SLC7A8: variants seen among roughly 807,000 people sequenced by gnomAD.
SLC7A8 encodes solute carrier family 7 member 8, also known as large neutral amino acids transporter small subunit 2.
SLC7A8 carries 30 observed loss-of-function variants against 51.2 expected under a neutral mutation model. The ratio of observed to expected loss-of-function variants is 0.59; its 90% CI spans 0.44 to 0.80. The LOEUF is 0.80. Among genes scored for constraint, SLC7A8 ranks in the 30% least tolerant of loss-of-function variants. The pLI, the probability that SLC7A8 is intolerant of heterozygous loss-of-function variation, is 0.00. For synonymous variants in SLC7A8, 257 were observed against 275.8 expected, an observed-to-expected ratio of 0.93 and a Z score of 0.67; for missense variants, 612 against 674.4, an observed-to-expected ratio of 0.91 and a Z score of 1.03.
intron 3 of SLC7A8, among the ~76,000 whole-genome samples, chr14:23,160,445 C>A (rs2048915250): frequency 6.6e-6 from 1 of 151,934 alleles, no homozygotes; most frequent in African/African-American, 2.4e-5. Context: ...GTGGCGGGCG[C>A]CTATAGTCCC....
chr14:23,138,229 G>C (rs1042503771), intron 6 of SLC7A8: 61 of 572,984 alleles, frequency 1.1e-4, no homozygotes, highest in Middle Eastern at 3.9e-4. Flanking sequence ...AACTGAAGGA[G>C]GTAGTACACA....
chr14:23,176,985 A>G (rs185540664), intron 1 of SLC7A8, among the ~76,000 whole-genome samples: 65 of 152,134 alleles, frequency 4.3e-4, no homozygotes, highest in Non-Finnish European at 7.9e-4. Context: ...TAAGAGCTCA[A>G]TAAATACTAT....
chr14:23,170,522 G>A (rs188315704), intron 1 of SLC7A8, among the ~76,000 whole-genome samples: 6 of 152,078 alleles, frequency 3.9e-5, no homozygotes, highest in African/African-American at 7.2e-5. Context: ...GCAGTGGTGC[G>A]ATCTCAGCTC....
At chr14:23,162,069 T>C (rs1594836748) in intron 3 of SLC7A8, among the ~76,000 whole-genome samples, 2 of 148,926 alleles carry the variant, frequency 1.3e-5, no homozygotes, top group South Asian at 4.3e-4. Flanking sequence ...TTGAGGGGCC[T>C]ATAGAAGTGG....
chr14:23,165,485 G>GC lies in SLC7A8; in HGVS notation c.357-50dup, dbSNP rs775786166. On this transcript the variant is annotated intron_variant, in intron 2 of 10. Coordinates refer to ENST00000316902, the MANE Select transcript of SLC7A8 (RefSeq NM_012244.4). This position sits in a 1 kb window ranked among gnomAD's most constrained non-coding sequence, Gnocchi z 4.2. The stretch of plus-strand genomic sequence containing the variant: ...CCGAAAGGCATGGCAGGGACGCAGA[G>GC]CCATCAGGGGAGAGCCCGGGCAAGT... 29 of 1,539,032 alleles carry GC rather than the reference G, an allele frequency of 1.9e-5. No homozygotes were observed. Among genetic ancestry groups the GC allele is most frequent in the Non-Finnish European group, 2.5e-5 (29 of 1,152,264 alleles).
intron 10 of SLC7A8, 84 bp downstream of exon 10, chr14:23,127,935 C>T (rs2048593308): frequency 2.4e-6 from 3 of 1,244,836 alleles, no homozygotes; most frequent in Non-Finnish European, 2.3e-6. Context: ...ATCTCCTGGC[C>T]CTGGTGGCTC....
In SLC7A8 at chr14:23,131,545, A is replaced by G; in HGVS notation, c.1029T>C (p.Ala343=). Residue 343 remains alanine, a synonymous_variant, in exon 8 of 11, where the codon GCT becomes GCC. Coordinates refer to ENST00000316902, the MANE Select transcript of SLC7A8 (RefSeq NM_012244.4). ...SLFTSSRLFF[A]GAREGHLPSV... ...TGGGAAGGTGGCCCTCTCGGGCTCC[A>G]GCGAAGAACAGCCTGTCAGGGAGAA... is the stretch of plus-strand genomic sequence containing the variant. 4 of 1,603,896 alleles carry G rather than the reference A, an allele frequency of 2.5e-6. No individual in the cohort carries two copies. The highest frequency in any genetic ancestry group is 3.4e-6 in the Non-Finnish European group (4 of 1,175,584).
rs138421066 is a variant in SLC7A8 at position 23,150,193 on chromosome 14, G to A, written c.509-6989C>T. 4.3e-3 allele frequency among the ~76,000 whole-genome samples: 662 copies of A among 152,314 alleles called. 1 individual carries two copies. The highest frequency in any genetic ancestry group is 7.0e-3 in the Non-Finnish European group (473 of 68,014). On this transcript the variant is annotated intron_variant, in intron 3 of 10. Coordinates refer to ENST00000316902, the MANE Select transcript of SLC7A8 (RefSeq NM_012244.4). ...CTTCATTTAGAAGGTTTTAAGGATG[G>A]GTTGGGGAGTCGTGGAGCTGGTTTT... is the stretch of plus-strand genomic sequence containing the variant.
At chr14:23,161,104 TTCCCTC>T (rs897403713) in intron 3 of SLC7A8, among the ~76,000 whole-genome samples, 1 of 152,036 alleles carries the variant, frequency 6.6e-6, no homozygotes, top group East Asian at 1.9e-4. Flanking sequence ...CTGCAGTTCC[TTCCCTC>T]TCCCTCTCCT....
chr14:23,134,467 A>G (rs12050365), intron 7 of SLC7A8, among the ~76,000 whole-genome samples: 56,095 of 140,882 alleles, frequency 0.4, 11,895 homozygotes, highest in East Asian at 0.56. Context: ...AAAAGAAAAG[A>G]TAAGGAAAAG....
chr14:23,180,298 T>A (rs1877118038), intron 1 of SLC7A8, among the ~76,000 whole-genome samples: 1 of 152,186 alleles, frequency 6.6e-6, no homozygotes, highest in Admixed American at 6.5e-5. Context: ...TTTCTATTTT[T>A]GCATTTGGTC....
At chr14:23,134,016 CTG>C (rs1012477709) in intron 7 of SLC7A8, among the ~76,000 whole-genome samples, 1 of 151,984 alleles carries the variant, frequency 6.6e-6, no homozygotes, top group African/African-American at 2.4e-5. Flanking sequence ...TGATGGCTCA[CTG>C]TAGCCTTGAC....
chr14:23,155,275 A>AAGCTGTGAG (rs2048884280), intron 3 of SLC7A8: 1 of 1,535,954 alleles, frequency 6.5e-7, no homozygotes, highest in Admixed American at 2.0e-5. Flanking sequence ...GGGTGCAGAG[A>AAGCTGTGAG]AGCTGTGAGG....
At chr14:23,157,526 G>A (rs1566368938) in intron 3 of SLC7A8, among the ~76,000 whole-genome samples, 1 of 152,150 alleles carries the variant, frequency 6.6e-6, no homozygotes, top group Non-Finnish European at 1.5e-5. Flanking sequence ...TGGCCCATGA[G>A]GCTTTTCATG....
chr14:23,173,648 A>AC (rs1197619371), intron 1 of SLC7A8, among the ~76,000 whole-genome samples: 1 of 151,724 alleles, frequency 6.6e-6, no homozygotes, highest in Non-Finnish European at 1.5e-5. Flanking sequence ...TATTTTTTAA[A>AC]TTTTTACTTT....
intron 3 of SLC7A8, among the ~76,000 whole-genome samples, chr14:23,149,663 C>G (rs1237173008): frequency 6.6e-6 from 1 of 152,168 alleles, no homozygotes; most frequent in African/African-American, 2.4e-5. Flanking sequence ...GTAGACAACA[C>G]CAAAAACACC....
intron 1 of SLC7A8, among the ~76,000 whole-genome samples, chr14:23,177,526 A>G (rs886386159): frequency 2.6e-5 from 4 of 152,230 alleles, no homozygotes; most frequent in East Asian, 1.9e-4. Context: ...TCTTTGCTCA[A>G]TTAAACACTG....
chr14:23,138,072 C>A (rs768564741), intron 6 of SLC7A8, 48 bp from the exon 7 acceptor site: 1 of 1,600,572 alleles, frequency 6.2e-7, no homozygotes, highest in Non-Finnish European at 8.5e-7. Flanking sequence ...CACCACTCCC[C>A]GACCCCTCAG....
At chr14:23,154,422 CG>C in intron 3 of SLC7A8, 1 of 992,466 alleles carries the variant, frequency 1.0e-6, no homozygotes. Context: ...GCAGGGAAGC[CG>C]GGCCTGTGGG....
Sources: allele counts gnomAD v4.1 joint callset (sites outside exome capture counted in the v4.1 genomes callset), GRCh38; gene constraint gnomAD v4.1.1; non-coding constraint Gnocchi (gnomAD v3.1); transcripts MANE v1.5; gene names NCBI Gene and HGNC (gene_info 2026-07-23, HGNC 2026-07-21).